IGSF3: variants seen among roughly 807,000 people sequenced by gnomAD.
The protein encoded by IGSF3 is glu-Trp-Ile EWI motif-containing protein 3.
In IGSF3, 23 loss-of-function variants were observed where a neutral mutation model predicts 114.4. The ratio of observed to expected loss-of-function variants is 0.20; its 90% CI spans 0.14 to 0.28. The LOEUF (loss-of-function observed/expected upper bound fraction) is 0.28. Among genes scored for constraint, IGSF3 ranks in the 10% least tolerant of loss-of-function variants. IGSF3 has a pLI of 1.00. For missense variants in IGSF3, 1,172 were observed against 1,591.5 expected (o/e 0.74, Z 4.48); for synonymous variants, 571 against 645.2 (o/e 0.88, Z 1.74).
At chr1:116,620,050 C>CTA (rs1447300721) in intron 2 of IGSF3, among the ~76,000 whole-genome samples, 5 of 152,108 alleles carry the variant, frequency 3.3e-5, no homozygotes, top group African/African-American at 1.2e-4. Flanking sequence ...TGCATGTTTG[C>CTA]TATATAAAAT....
chr1:116,666,341 G>C lies in IGSF3; in HGVS notation c.-15C>G. 6.2e-7 allele frequency: 1 copy of C among 1,613,950 alleles called. No homozygotes were observed. Among genetic ancestry groups the C allele is most frequent in the Non-Finnish European group, 8.5e-7 (1 of 1,179,832 alleles). The stretch of plus-strand genomic sequence containing the variant: ...AAGCACTTCATGTCGGCAGCCTCCA[G>C]GAGACACAACACAAGGCGCTTCCTC... On this transcript the variant is annotated 5_prime_UTR_variant, in exon 2 of 11. Coordinates refer to ENST00000369486, the MANE Select transcript of IGSF3 (RefSeq NM_001007237.3).
chr1:116,631,494 C>T (rs1315111359), intron 2 of IGSF3, among the ~76,000 whole-genome samples: 1 of 152,062 alleles, frequency 6.6e-6, no homozygotes, highest in Non-Finnish European at 1.5e-5. Flanking sequence ...TGCGGTGATC[C>T]AGGTGAGAGC....
At chr1:116,646,620 C>T (rs1480160148) in intron 2 of IGSF3, among the ~76,000 whole-genome samples, 4 of 152,086 alleles carry the variant, frequency 2.6e-5, no homozygotes, top group South Asian at 2.1e-4. Flanking sequence ...GAGTTGTCAG[C>T]GGTGAAATAC....
rs1174358452 is a variant in IGSF3 at position 116,600,799 on chromosome 1, T to C, written c.1625-454A>G. 1.3e-5 allele frequency among the ~76,000 whole-genome samples: 2 copies of C among 152,140 alleles called. No homozygotes were observed. Among genetic ancestry groups the C allele is most frequent in the Non-Finnish European group, 2.9e-5 (2 of 68,012 alleles). ...CACTTTTCCTGGTCCCTTAGCGCAC[T>C]GGTGCCGAGAAGGGAAGCAGATGGA... On this transcript the variant is annotated intron_variant, in intron 6 of 10. Transcript: ENST00000369486. The surrounding 1 kb of genome is among the most constrained non-coding windows in gnomAD (Gnocchi z 5.5).
rs988635977 is a variant in IGSF3, at chr1:116,614,759, C to T, written c.422-584G>A. ...TGGGTTTAATTTTCGCATAATTCAT[C>T]GATCAAAGGGGTCCTCACTGGAAGG... is the stretch of plus-strand genomic sequence containing the variant. On this transcript the variant is annotated intron_variant, in intron 3 of 10. Coordinates refer to ENST00000369486, the MANE Select transcript of IGSF3 (RefSeq NM_001007237.3). The surrounding 1 kb of genome is among the most constrained non-coding windows in gnomAD (Gnocchi z 4.5). Among the ~76,000 whole-genome samples, 1 of 152,054 alleles carries T rather than the reference C, an allele frequency of 6.6e-6. No homozygotes were observed. Among genetic ancestry groups the T allele is most frequent in the African/African-American group, 2.4e-5 (1 of 41,396 alleles).
intron 7 of IGSF3, 52 bp downstream of exon 7, chr1:116,599,878 TCTTTTTCCCTC>T (rs1660497366): frequency 6.7e-7 from 1 of 1,488,992 alleles, no homozygotes; most frequent in African/African-American, 1.4e-5. Context: ...CGCACACCTT[TCTTTTTCCCTC>T]ACGTCTGCTC....
chr1:116,634,419 C>T lies in IGSF3; in HGVS notation c.44-17962G>A, dbSNP rs1389665625. On this transcript the variant is annotated intron_variant, in intron 2 of 10. Transcript: ENST00000369486. The surrounding 1 kb of genome is among the most constrained non-coding windows in gnomAD (Gnocchi z 4.2). ...CCCATCCTCACTCGTTCACATCTGC[C>T]TTGGAGCACCCACAGCAAGCCTGGC... Among the ~76,000 whole-genome samples, 1 of 151,616 alleles carries T rather than the reference C, an allele frequency of 6.6e-6. No individual in the cohort carries two copies. Among genetic ancestry groups the T allele is most frequent in the Non-Finnish European group, 1.5e-5 (1 of 67,680 alleles).
rs2101502305 is a variant in IGSF3 at position 116,615,984 on chromosome 1, T to G, written c.421+96A>C. 9.3e-7 allele frequency: 1 copy of G among 1,079,960 alleles called. No individual in the cohort carries two copies. The highest frequency in any genetic ancestry group is 2.1e-4 in the Middle Eastern group (1 of 4,694). 66.9% of individuals were successfully genotyped at this position (1,079,960 alleles called of 1,614,324 possible). On this transcript the variant is annotated intron_variant, in intron 3 of 10. Coordinates refer to ENST00000369486, the MANE Select transcript of IGSF3 (RefSeq NM_001007237.3). The surrounding 1 kb of genome is among the most constrained non-coding windows in gnomAD (Gnocchi z 4.3). Reference sequence around the variant, plus strand: ...AAAATATGTTGGGAGTTTTGGGATTTTTTTTAAAGTCAAATGCATGGCATA... The same window carrying G: ...AAAATATGTTGGGAGTTTTGGGATTGTTTTTAAAGTCAAATGCATGGCATA...
intron 2 of IGSF3, among the ~76,000 whole-genome samples, chr1:116,637,141 C>G (rs1476698712): frequency 2.0e-5 from 3 of 152,170 alleles, no homozygotes; most frequent in African/African-American, 7.2e-5. Flanking sequence ...ATCTTGAGGC[C>G]CACTGGTCTA....
At chr1:116,591,962 T>C (rs1660131287) in intron 7 of IGSF3, among the ~76,000 whole-genome samples, 1 of 152,224 alleles carries the variant, frequency 6.6e-6, no homozygotes, top group Non-Finnish European at 1.5e-5. Context: ...GAACCTGGGA[T>C]ATAACAAACA....
In IGSF3 at chr1:116,577,344, C is replaced by A; in HGVS notation, c.3553G>T (p.Val1185Phe). 6.2e-7 allele frequency: 1 copy of A among 1,614,084 alleles called. No homozygotes were observed. Among genetic ancestry groups the A allele is most frequent in the South Asian group, 1.1e-5 (1 of 91,074 alleles). Reference protein sequence around the residue: ...NYSPTCLEPPVLSIHPGAID With the variant: ...NYSPTCLEPPFLSIHPGAID ...ATGGCCCCTGGATGGATACTGAGAA[C>A]AGGGGGCTCCAGGCAAGTAGGGGAG... The change falls in exon 11 of 11, where the codon GTT becomes TTT. Residue 1185 changes from valine (V) to phenylalanine (F), a missense_variant. Coordinates refer to ENST00000369486, the MANE Select transcript of IGSF3 (RefSeq NM_001007237.3). The surrounding 1 kb of genome is among the most constrained non-coding windows in gnomAD (Gnocchi z 5.7).
rs1433070938 is a variant in IGSF3, at chr1:116,650,181, T to C, written c.43+16103A>G. 6.6e-6 allele frequency among the ~76,000 whole-genome samples: 1 copy of C among 152,232 alleles called. No homozygotes were observed. Among genetic ancestry groups the C allele is most frequent in the Non-Finnish European group, 1.5e-5 (1 of 68,046 alleles). On this transcript the variant is annotated intron_variant, in intron 2 of 10. Coordinates refer to ENST00000369486, the MANE Select transcript of IGSF3 (RefSeq NM_001007237.3). This position sits in a 1 kb window ranked among gnomAD's most constrained non-coding sequence, Gnocchi z 5.0. The stretch of plus-strand genomic sequence containing the variant: ...AGTGTCTAACATAGGTTAGACACTA[T>C]AAGTAGTAGAAAATTCCAACTCAAC...
intron 2 of IGSF3, among the ~76,000 whole-genome samples, chr1:116,656,294 T>C (rs1412791468): frequency 3.1e-4 from 3 of 9,652 alleles, no homozygotes; most frequent in East Asian, 2.2e-3. Flanking sequence ...TTCTACATTC[T>C]TTTTTTTTTT....
chr1:116,630,193 C>T (rs1417706784), intron 2 of IGSF3, among the ~76,000 whole-genome samples: 2 of 152,206 alleles, frequency 1.3e-5, no homozygotes, highest in African/African-American at 2.4e-5. Context: ...AAGCCTCTGC[C>T]CCCTGGTGGC....
chr1:116,643,537 T>C (rs139218008), intron 2 of IGSF3, among the ~76,000 whole-genome samples: 328 of 152,358 alleles, frequency 2.2e-3, no homozygotes, highest in African/African-American at 7.4e-3. Flanking sequence ...CAATGCCTGG[T>C]GATCTGAGGC....
At chr1:116,621,722 C>T (rs1221011339) in intron 2 of IGSF3, among the ~76,000 whole-genome samples, 2 of 152,078 alleles carry the variant, frequency 1.3e-5, no homozygotes, top group Non-Finnish European at 2.9e-5. Context: ...CCATAAACTT[C>T]AAAAGATTCT....
In IGSF3 at chr1:116,654,106, G is replaced by A. The variant is rs1648748538; in HGVS notation, c.43+12178C>T. Among the ~76,000 whole-genome samples, 1 of 152,160 alleles carries A rather than the reference G, an allele frequency of 6.6e-6. No homozygotes were observed. The highest frequency in any genetic ancestry group is 6.5e-5 in the Admixed American group (1 of 15,282). On this transcript the variant is annotated intron_variant, in intron 2 of 10. Coordinates refer to ENST00000369486, the MANE Select transcript of IGSF3 (RefSeq NM_001007237.3). The surrounding 1 kb of genome is among the most constrained non-coding windows in gnomAD (Gnocchi z 4.4). ...CATCATTCCTCACACTAACAAACAT[G>A]TCCATCTATGTGAAGCAGAATTCCC...
intron 7 of IGSF3, among the ~76,000 whole-genome samples, chr1:116,597,339 C>A (rs901561318): frequency 6.6e-6 from 1 of 152,160 alleles, no homozygotes; most frequent in Non-Finnish European, 1.5e-5. Context: ...TGCACCAGCA[C>A]CAAAGTATAT....
chr1:116,615,983 T>G lies in IGSF3; in HGVS notation c.421+97A>C. The stretch of plus-strand genomic sequence containing the variant: ...TAAAATATGTTGGGAGTTTTGGGAT[T>G]TTTTTTAAAGTCAAATGCATGGCAT... On this transcript the variant is annotated intron_variant, in intron 3 of 10. Transcript: ENST00000369486. This position sits in a 1 kb window ranked among gnomAD's most constrained non-coding sequence, Gnocchi z 4.3. 9.4e-7 allele frequency: 1 copy of G among 1,065,500 alleles called. No homozygotes were observed. Among genetic ancestry groups the G allele is most frequent in the Non-Finnish European group, 1.4e-6 (1 of 736,114 alleles). The allele number at this position is 1,065,500 out of a possible 1,614,324, so 66.0% of individuals were successfully genotyped here.
Sources: allele counts gnomAD v4.1 joint callset (sites outside exome capture counted in the v4.1 genomes callset), GRCh38; gene constraint gnomAD v4.1.1; non-coding constraint Gnocchi (gnomAD v3.1); transcripts MANE v1.5; gene names NCBI Gene and HGNC (gene_info 2026-07-23, HGNC 2026-07-21).